Variants in TOLLIP observed in about 807,000 individuals in gnomAD.
The protein encoded by TOLLIP is toll interacting protein.
In TOLLIP, 16 loss-of-function variants were observed where a neutral mutation model predicts 33.5. The observed-to-expected ratio is 0.48, with a 90% confidence interval of 0.32 to 0.72. The LOEUF is 0.72. TOLLIP is among the 30% of genes least tolerant of loss of function. TOLLIP has a pLI of 0.03. For missense variants in TOLLIP, 325 were observed against 396.6 expected, an observed-to-expected ratio of 0.82 and a Z score of 1.53; for synonymous variants, 176 against 163.7, an observed-to-expected ratio of 1.07 and a Z score of -0.57.
At chr11:1,285,148 C>A (rs910695785) in intron 5 of TOLLIP, among the ~76,000 whole-genome samples, 1 of 152,176 alleles carries the variant, frequency 6.6e-6, no homozygotes, top group African/African-American at 2.4e-5. Context: ...TCCCCTAACA[C>A]CACCTCCCCC....
chr11:1,286,833 G>C (rs1863717136), intron 4 of TOLLIP, among the ~76,000 whole-genome samples: 1 of 151,860 alleles, frequency 6.6e-6, no homozygotes, highest in South Asian at 2.1e-4. Flanking sequence ...CTGCACTGCT[G>C]TCGTCTCTGA....
At chr11:1,309,013 G>A (rs1005714101) in intron 1 of TOLLIP, among the ~76,000 whole-genome samples, 5 of 152,060 alleles carry the variant, frequency 3.3e-5, no homozygotes, top group Non-Finnish European at 5.9e-5. Context: ...TTCAGGGCCC[G>A]CCTCCACCTG....
At chr11:1,284,352 T>G (rs1863610145) in intron 5 of TOLLIP, among the ~76,000 whole-genome samples, 1 of 151,918 alleles carries the variant, frequency 6.6e-6, no homozygotes, top group Non-Finnish European at 1.5e-5. Context: ...GGCTGGTGGT[T>G]TTCTTTTTTT....
At position 1,309,509 on chromosome 11, in the gene TOLLIP, CG is replaced by C. The variant is rs777491500; in HGVS notation, c.-12del. 10 of 1,305,196 alleles carry C rather than the reference CG, an allele frequency of 7.7e-6. No individual in the cohort carries two copies. The highest frequency in any genetic ancestry group is 2.9e-4 in the Middle Eastern group (1 of 3,444). 80.9% of individuals were successfully genotyped at this position (1,305,196 alleles called of 1,614,324 possible). A position where few individuals can be genotyped will look rare whatever the true frequency, so the allele number is the denominator to read the frequency against. On this transcript the variant is annotated 5_prime_UTR_variant, in exon 1 of 6. Coordinates refer to ENST00000317204, the MANE Select transcript of TOLLIP (RefSeq NM_019009.4). ...GACGGTGGTCGCCATGGTGCTGCGG[CG>C]GCCCCCGTGGCTCGCCGACCCGACA... is the stretch of plus-strand genomic sequence containing the variant.
At chr11:1,309,344 G>T in intron 1 of TOLLIP, 122 bp downstream of exon 1, 2 of 508,690 alleles carry the variant, frequency 3.9e-6, no homozygotes, top group Non-Finnish European at 5.8e-6. Context: ...CAGGCGCCCC[G>T]CGTGCCCCGG....
chr11:1,279,669 C>A (rs1863432624), intron 5 of TOLLIP, among the ~76,000 whole-genome samples: 1 of 152,240 alleles, frequency 6.6e-6, no homozygotes, highest in Non-Finnish European at 1.5e-5. Context: ...CAGGCCCCAC[C>A]TCACGTTCTT....
chr11:1,301,726 T>C (rs1864283576), intron 1 of TOLLIP, among the ~76,000 whole-genome samples: 1 of 152,176 alleles, frequency 6.6e-6, no homozygotes, highest in Non-Finnish European at 1.5e-5. Flanking sequence ...CCCTGAGCCC[T>C]AGGTTTCTCC....
chr11:1,275,389 G>A lies in TOLLIP; in HGVS notation c.*1650C>T, dbSNP rs915246497. 4 of 152,168 alleles carry A rather than the reference G, an allele frequency of 2.6e-5. No homozygotes were observed. The highest frequency in any genetic ancestry group is 7.2e-5 in the African/African-American group (3 of 41,434). The allele number at this position is 152,168 out of a possible 1,614,324, so 9.4% of individuals were successfully genotyped here. On this transcript the variant is annotated 3_prime_UTR_variant, in exon 6 of 6. Transcript: ENST00000317204. The stretch of plus-strand genomic sequence containing the variant: ...CCTGGGTTAGAGTTGTTAATATCAC[G>A]GAACATACCATCTAGAACGTTCCAG...
rs535185803 is a variant in TOLLIP, at chr11:1,278,762, C to G, written c.611-1509G>C. 5.9e-5 allele frequency among the ~76,000 whole-genome samples: 9 copies of G among 152,370 alleles called. No individual in the cohort carries two copies. In the South Asian group the frequency reaches 1.2e-3, roughly 21 times the overall value. On this transcript the variant is annotated intron_variant, in intron 5 of 5. Transcript: ENST00000317204. This position sits in a 1 kb window ranked among gnomAD's most constrained non-coding sequence, Gnocchi z 4.7. ...CCTTTCGGCAATGACGGAAAACGAA[C>G]CGAACCATGGCCAGGTGGGGACGTG...
At chr11:1,301,097 G>A (rs1357270798) in intron 1 of TOLLIP, among the ~76,000 whole-genome samples, 2 of 152,284 alleles carry the variant, frequency 1.3e-5, no homozygotes, top group African/African-American at 4.8e-5. Flanking sequence ...ACTATGCGCT[G>A]AGCAGCGCTG....
chr11:1,306,106 A>G (rs1864416179), intron 1 of TOLLIP: 1 of 152,234 alleles, frequency 6.6e-6, no homozygotes, highest in Non-Finnish European at 1.5e-5. Flanking sequence ...CTATATTGAA[A>G]AAAGGTTATC....
chr11:1,286,199 G>T (rs12278738), intron 4 of TOLLIP, 107 bp from the exon 5 acceptor site: 2 of 829,126 alleles, frequency 2.4e-6, no homozygotes, highest in Admixed American at 2.2e-5. Flanking sequence ...GCCCAGAATC[G>T]CCCTCCCCAT....
chr11:1,293,399 A>G (rs1289416099), intron 2 of TOLLIP, among the ~76,000 whole-genome samples: 1 of 152,252 alleles, frequency 6.6e-6, no homozygotes, highest in South Asian at 2.1e-4. Flanking sequence ...AGTCACCGGG[A>G]TGTGTGGGCA....
intron 1 of TOLLIP, among the ~76,000 whole-genome samples, chr11:1,306,429 G>A (rs1864424595): frequency 6.6e-6 from 1 of 152,052 alleles, no homozygotes; most frequent in Admixed American, 6.5e-5. Context: ...CCACAGTCAG[G>A]GTCTCCCGAG....
intron 1 of TOLLIP, among the ~76,000 whole-genome samples, chr11:1,308,872 G>A (rs1200219059): frequency 1.3e-5 from 2 of 151,026 alleles, no homozygotes; most frequent in Non-Finnish European, 3.0e-5. Context: ...TGCGGGACCC[G>A]CCTCCACCTG....
In TOLLIP at chr11:1,278,535, C is replaced by A. The variant is rs1863385485; in HGVS notation, c.611-1282G>T. 6.6e-6 allele frequency among the ~76,000 whole-genome samples: 1 copy of A among 152,158 alleles called. No homozygotes were observed. The highest frequency in any genetic ancestry group is 1.5e-5 in the Non-Finnish European group (1 of 68,018). ...AGCCTCCTGCACCTGCTGCAAAGGC[C>A]AGGACTCCTCAGCAAGGAAGGCCAC... On this transcript the variant is annotated intron_variant, in intron 5 of 5. Coordinates refer to ENST00000317204, the MANE Select transcript of TOLLIP (RefSeq NM_019009.4). This position sits in a 1 kb window ranked among gnomAD's most constrained non-coding sequence, Gnocchi z 4.7.
chr11:1,294,293 C>T (rs1478520256), intron 2 of TOLLIP, among the ~76,000 whole-genome samples: 2 of 82,142 alleles, frequency 2.4e-5, no homozygotes, highest in African/African-American at 5.3e-5. Context: ...TACGAAAGCC[C>T]GCGTGGCTCA....
chr11:1,288,689 A>G lies in TOLLIP; in HGVS notation c.454T>C (p.Tyr152His). The G allele has an allele frequency of 1.2e-6, 2 of 1,612,836 alleles. No individual in the cohort carries two copies. The change falls in exon 4 of 6, where the codon TAC becomes CAC. Residue 152 changes from tyrosine (Y) to histidine (H), a missense_variant. Tyr to His is a moderately conservative substitution (Grantham distance 83). Transcript: ENST00000317204. ...LRQGKVEDKW[Y>H]SLSGRQGDDK... ...TCCCCCTGCCTCCCGCTCAGGCTGTACCACTTGTCCTCCACCTTGCCCTGC... is the reference window on the plus strand; with the variant it reads ...TCCCCCTGCCTCCCGCTCAGGCTGTGCCACTTGTCCTCCACCTTGCCCTGC...
At chr11:1,292,715 G>A (rs1274971964) in intron 2 of TOLLIP, among the ~76,000 whole-genome samples, 17 of 152,246 alleles carry the variant, frequency 1.1e-4, no homozygotes, top group Non-Finnish European at 7.3e-5. Flanking sequence ...GGCAAGAGAC[G>A]CACGTCAGAC....
Sources: gnomAD v4.1 joint callset for allele counts (sites outside exome capture counted in the v4.1 genomes callset) on GRCh38, gnomAD v4.1.1 for gene constraint, Gnocchi (gnomAD v3.1) non-coding constraint, MANE v1.5 for transcripts, NCBI Gene and HGNC (gene_info 2026-07-23, HGNC 2026-07-21) for gene names.